The following IGDCC4 variants were observed in gnomAD, a reference collection of about 807,000 sequenced individuals.
IGDCC4 encodes likely ortholog of mouse neighbor of Punc E11.
In IGDCC4, 72 loss-of-function variants were observed where a neutral mutation model predicts 116.6. That is an observed-to-expected ratio of 0.62 (90% CI 0.51 to 0.75). The LOEUF is 0.75. Ranked by LOEUF, IGDCC4 falls within the 30% of genes least tolerant of loss-of-function variation. The pLI, the probability that IGDCC4 is intolerant of heterozygous loss-of-function variation, is 0.00. For missense variants in IGDCC4, 1,501 were observed against 1,662.4 expected, an observed-to-expected ratio of 0.90 and a Z score of 1.69; for synonymous variants, 709 against 719.9, an observed-to-expected ratio of 0.98 and a Z score of 0.24.
chr15:65,421,835 G>C (rs113878686), intron 1 of IGDCC4, among the ~76,000 whole-genome samples: 6 of 151,928 alleles, frequency 3.9e-5, no homozygotes, highest in African/African-American at 1.5e-4. Context: ...ACGCACACCG[G>C]ACAGGAAGCG....
In IGDCC4 at chr15:65,400,909, A is replaced by C. The variant is rs1310666239; in HGVS notation, c.738T>G (p.Ile246Met). 6.2e-7 allele frequency: 1 copy of C among 1,614,004 alleles called. No individual in the cohort carries two copies. Among genetic ancestry groups the C allele is most frequent in the Admixed American group, 1.7e-5 (1 of 60,006 alleles). The change falls in exon 5 of 20, where the codon ATT (isoleucine) becomes ATG (methionine). Residue 246 changes from isoleucine (I) to methionine (M), a missense_variant. Coordinates refer to ENST00000352385, the MANE Select transcript of IGDCC4 (RefSeq NM_020962.3). The stretch of plus-strand genomic sequence containing the variant: ...CTGTGGTGTTCTCTGGGGCTGCCAC[A>C]ATGACCACGTCCTGCCCCCTGGTGG... Reference protein sequence around the residue: ...LASTRGQDVVIVAAPENTTVV... With the variant: ...LASTRGQDVVMVAAPENTTVV...
At chr15:65,399,915 T>C (rs1209721434) in intron 5 of IGDCC4, among the ~76,000 whole-genome samples, 3 of 152,210 alleles carry the variant, frequency 2.0e-5, no homozygotes, top group African/African-American at 7.2e-5. Context: ...AAGTCACTTT[T>C]TAACAACAAA....
Position 65,396,173 on chromosome 15 carries a change from C to T in IGDCC4, c.998-10G>A. On this transcript the variant is annotated splice_polypyrimidine_tract_variant and intron_variant, in intron 6 of 19. Transcript: ENST00000352385. The stretch of plus-strand genomic sequence containing the variant: ...GTGATGGCGGGAGCCGCTAGGGGCG[C>T]GAGGGGCGACGCTGAGCGCGGGATC... 3 of 1,494,226 alleles carry T rather than the reference C, an allele frequency of 2.0e-6. No homozygotes were observed. The highest frequency in any genetic ancestry group is 2.3e-4 in the Middle Eastern group (1 of 4,270). 92.6% of individuals were successfully genotyped at this position (1,494,226 alleles called of 1,614,324 possible).
intron 5 of IGDCC4, among the ~76,000 whole-genome samples, chr15:65,399,447 C>CAAAAAAAAAAAAA (rs112040935): frequency 2.8e-5 from 2 of 71,184 alleles, no homozygotes; most frequent in Non-Finnish European, 3.3e-5. Flanking sequence ...GGGTGACAGG[C>CAAAAAAAAAAAAA]AAAAAAAAAA....
intron 3 of IGDCC4, among the ~76,000 whole-genome samples, chr15:65,406,857 C>T (rs1346654170): frequency 6.6e-6 from 1 of 152,130 alleles, no homozygotes; most frequent in African/African-American, 2.4e-5. Context: ...CGGGATGACG[C>T]CTGAGCTAGA....
chr15:65,396,009 C>T lies in IGDCC4; in HGVS notation c.1152G>A (p.Gln384=), dbSNP rs1206005483. Residue 384 remains glutamine (Q), a synonymous_variant, in exon 7 of 20, where the codon CAG becomes CAA. Transcript: ENST00000352385. ...TGATGACCAGGCTGCCACCGCCGCCCTGGACCTTGACGCGCCCGTTGGGCC... is the reference window on the plus strand; with the variant it reads ...TGATGACCAGGCTGCCACCGCCGCCTTGGACCTTGACGCGCCCGTTGGGCC... ...PLRPNGRVKV[Q]GGGGSLVITQ... 1.7e-5 allele frequency: 26 copies of T among 1,526,136 alleles called. No homozygotes were observed. Among genetic ancestry groups the T allele is most frequent in the Non-Finnish European group, 2.2e-5 (25 of 1,144,372 alleles). 94.5% of individuals were successfully genotyped at this position (1,526,136 alleles called of 1,614,324 possible).
At position 65,401,445 on chromosome 15, in the gene IGDCC4, C is replaced by A. The variant is rs1255398206; in HGVS notation, c.701-499G>T. ...CTAAACCCTGATTTCCTGCCAAGTT[C>A]TTTGTGTGACCCTGGCCCCCTGGGT... On this transcript the variant is annotated intron_variant, in intron 4 of 19. Transcript: ENST00000352385. 7.2e-5 allele frequency among the ~76,000 whole-genome samples: 11 copies of A among 152,312 alleles called. No homozygotes were observed. In the East Asian group the frequency reaches 1.9e-3, roughly 27 times the overall value.
chr15:65,401,793 G>C (rs1355954306), intron 4 of IGDCC4, among the ~76,000 whole-genome samples: 1 of 152,208 alleles, frequency 6.6e-6, no homozygotes, highest in East Asian at 1.9e-4. Flanking sequence ...CAGATGGTGA[G>C]CAGAGAAGGC....
In IGDCC4 at chr15:65,381,760, G is replaced by A. The variant is rs965650076; in HGVS notation, c.*2249C>T. On this transcript the variant is annotated 3_prime_UTR_variant, in exon 20 of 20. Coordinates refer to ENST00000352385, the MANE Select transcript of IGDCC4 (RefSeq NM_020962.3). The stretch of plus-strand genomic sequence containing the variant: ...ATTAATACCCTGTAAAAGGCCAATA[G>A]ATTCTTTTCTAATAAAAATACTGCT... 1 of 152,586 alleles carries A rather than the reference G, an allele frequency of 6.6e-6. No individual in the cohort carries two copies. Among genetic ancestry groups the A allele is most frequent in the South Asian group, 2.1e-4 (1 of 4,824 alleles). 9.5% of individuals were successfully genotyped at this position (152,586 alleles called of 1,614,324 possible). A position where few individuals can be genotyped will look rare whatever the true frequency, so the allele number is the denominator to read the frequency against.
chr15:65,396,596 C>G (rs2062929511), intron 6 of IGDCC4, among the ~76,000 whole-genome samples: 1 of 152,098 alleles, frequency 6.6e-6, no homozygotes, highest in Admixed American at 6.5e-5. Context: ...GCTAATCACC[C>G]GCTCCAGGCC....
In IGDCC4 at chr15:65,382,796, C is replaced by A. The variant is rs757828570; in HGVS notation, c.*1213G>T. ...GGAAGGGCCTCCCTGAACTCTCACTCCCCTTCTCTTCCTTTAGCTTCTTCT... is the reference window on the plus strand; with the variant it reads ...GGAAGGGCCTCCCTGAACTCTCACTACCCTTCTCTTCCTTTAGCTTCTTCT... On this transcript the variant is annotated 3_prime_UTR_variant, in exon 20 of 20. Coordinates refer to ENST00000352385, the MANE Select transcript of IGDCC4 (RefSeq NM_020962.3). 1 of 152,224 alleles carries A rather than the reference C, an allele frequency of 6.6e-6. No homozygotes were observed. The highest frequency in any genetic ancestry group is 2.4e-5 in the African/African-American group (1 of 41,446). The allele number at this position is 152,224 out of a possible 1,614,324, so 9.4% of individuals were successfully genotyped here. A position where few individuals can be genotyped will look rare whatever the true frequency, so the allele number is the denominator to read the frequency against.
At position 65,396,927 on chromosome 15, in the gene IGDCC4, C is replaced by T. The variant is rs1327375012; in HGVS notation, c.904G>A (p.Ala302Thr). Reference sequence around the variant, plus strand: ...TAGACGCCGGAGTGCCAGGGCTGCGCGTTGGCAATTAGTAGGTTGGTGCGG... The same window carrying T: ...TAGACGCCGGAGTGCCAGGGCTGCGTGTTGGCAATTAGTAGGTTGGTGCGG... ...LGRTNLLIAN[A>T]QPWHSGVYVC... The change falls in exon 6 of 20, where the codon GCG becomes ACG. Residue 302 changes from alanine to threonine, a missense_variant. By Grantham distance (58) the Ala-to-Thr change is moderately conservative. Transcript: ENST00000352385. The T allele has an allele frequency of 3.2e-6, 5 of 1,575,536 alleles. No individual in the cohort carries two copies. The highest frequency in any genetic ancestry group is 4.3e-6 in the Non-Finnish European group (5 of 1,160,170).
chr15:65,410,414 A>G (rs898428573), intron 2 of IGDCC4, 95 bp from the exon 3 acceptor site: 115 of 1,428,808 alleles, frequency 8.0e-5, no homozygotes, highest in Admixed American at 1.6e-4. Flanking sequence ...ATGGAGACAC[A>G]GAAACACACA....
intron 16 of IGDCC4, 28 bp downstream of exon 16, chr15:65,388,421 G>A (rs781032031): frequency 1.9e-6 from 3 of 1,613,436 alleles, no homozygotes; most frequent in Non-Finnish European, 2.5e-6. Flanking sequence ...GTCAATCCAG[G>A]GAAACCTGGG....
At chr15:65,395,339 A>T (rs2062913140) in intron 7 of IGDCC4, 81 bp from the exon 8 acceptor site, 2 of 1,406,728 alleles carry the variant, frequency 1.4e-6, no homozygotes, top group Non-Finnish European at 2.0e-6. Context: ...GGAATCCTTC[A>T]TATTGTCCTG....
intron 8 of IGDCC4, among the ~76,000 whole-genome samples, 184 bp downstream of exon 8, chr15:65,394,910 T>C (rs2062905597): frequency 2.0e-5 from 3 of 152,150 alleles, no homozygotes. Flanking sequence ...ATCATTCTCA[T>C]TTTCTGGGCC....
At chr15:65,412,008 A>T (rs2063099028) in intron 1 of IGDCC4, among the ~76,000 whole-genome samples, 1 of 152,240 alleles carries the variant, frequency 6.6e-6, no homozygotes, top group African/African-American at 2.4e-5. Context: ...TCTCTCAATT[A>T]AAAAAGCATA....
At chr15:65,396,270 C>A (rs1207262431) in intron 6 of IGDCC4, 107 bp from the exon 7 acceptor site, 4 of 1,228,452 alleles carry the variant, frequency 3.3e-6, no homozygotes, top group African/African-American at 3.2e-5. Context: ...CGCTCCCCTT[C>A]CAATCACTTT....
At position 65,395,681 on chromosome 15, in the gene IGDCC4, G is replaced by T. The variant is rs796336239; in HGVS notation, c.1411+69C>A. The T allele has an allele frequency of 3.6e-6, 5 of 1,377,868 alleles. No homozygotes were observed. In the Admixed American group the frequency reaches 9.3e-5, roughly 26 times the overall value. 85.4% of individuals were successfully genotyped at this position (1,377,868 alleles called of 1,614,324 possible). ...CCATCAGGCAACCCTTCAGTCATCCGACCTGAACCCCTTCTGGCTGCGCCC... is the reference window on the plus strand; with the variant it reads ...CCATCAGGCAACCCTTCAGTCATCCTACCTGAACCCCTTCTGGCTGCGCCC... On this transcript the variant is annotated intron_variant, in intron 7 of 19. Coordinates refer to ENST00000352385, the MANE Select transcript of IGDCC4 (RefSeq NM_020962.3).
Sources: allele counts gnomAD v4.1 joint callset (sites outside exome capture counted in the v4.1 genomes callset), GRCh38; gene constraint gnomAD v4.1.1; transcripts MANE v1.5; gene names NCBI Gene and HGNC (gene_info 2026-07-23, HGNC 2026-07-21).